The following OR1J2 variants were observed in gnomAD, a reference collection of about 807,000 sequenced individuals.
OR1J2 encodes olfactory receptor 1J2.
For synonymous variants in OR1J2, 142 were observed against 99.7 expected (o/e 1.42, Z -2.52); for missense variants, 304 against 246.1 (o/e 1.24, Z -1.57).
the OR1J2 span, among the ~76,000 whole-genome samples, chr9:122,542,474 A>G: frequency 6.6e-6 from 1 of 152,154 alleles, no homozygotes; most frequent in African/African-American, 2.4e-5. Flanking sequence ...GTTGCCCTGT[A>G]TTTTCAACAG....
At chr9:122,522,224 T>C in the OR1J2 span, among the ~76,000 whole-genome samples, 9 of 152,354 alleles carry the variant, frequency 5.9e-5, no homozygotes, top group Admixed American at 5.2e-4. Flanking sequence ...TGATTTTTTT[T>C]CACAAGTTAA....
chr9:122,532,500 A>G, the OR1J2 span, among the ~76,000 whole-genome samples: 1 of 151,014 alleles, frequency 6.6e-6, no homozygotes, highest in African/African-American at 2.5e-5. Flanking sequence ...ATGTGGTATC[A>G]GGAATAATGT....
chr9:122,552,073 T>A, the OR1J2 span, among the ~76,000 whole-genome samples: 13,563 of 140,406 alleles, frequency 0.097, 868 homozygotes, highest in African/African-American at 0.13. Flanking sequence ...TCTCTCTCTC[T>A]CTCTCTCACA....
chr9:122,451,825 A>G, the OR1J2 span, among the ~76,000 whole-genome samples: 1 of 152,210 alleles, frequency 6.6e-6, no homozygotes, highest in Admixed American at 6.5e-5. Flanking sequence ...ATTGCTCAGT[A>G]AAGTCCAGGT....
chr9:122,579,393 C>T, the OR1J2 span, among the ~76,000 whole-genome samples: 1 of 151,920 alleles, frequency 6.6e-6, no homozygotes, highest in South Asian at 2.1e-4. Flanking sequence ...ATACCTATCC[C>T]TTGTCTGGAG....
At chr9:122,476,836 G>C in the OR1J2 span, 1 of 593,482 alleles carries the variant, frequency 1.7e-6, no homozygotes, top group Non-Finnish European at 3.0e-6. Flanking sequence ...CTCCCGAGTA[G>C]CTGGGACTAT....
the OR1J2 span, among the ~76,000 whole-genome samples, chr9:122,496,733 C>T: frequency 6.6e-6 from 1 of 152,026 alleles, no homozygotes; most frequent in Admixed American, 6.6e-5. Flanking sequence ...GCTTCCAGGT[C>T]ATAGTAGATA....
At chr9:122,553,606 C>A in the OR1J2 span, 1 of 1,613,980 alleles carries the variant, frequency 6.2e-7, no homozygotes, top group Non-Finnish European at 8.5e-7. Context: ...ATCTGCCAAC[C>A]ACTCCATTAC....
At chr9:122,470,428 G>A in the OR1J2 span, among the ~76,000 whole-genome samples, 3 of 152,262 alleles carry the variant, frequency 2.0e-5, no homozygotes, top group Admixed American at 6.5e-5. Context: ...GATTTCAGAT[G>A]TATGGAAATG....
chr9:122,522,956 G>A, the OR1J2 span, among the ~76,000 whole-genome samples: 1 of 152,180 alleles, frequency 6.6e-6, no homozygotes, highest in African/African-American at 2.4e-5. Flanking sequence ...CCTGTATTAT[G>A]TCATTTAATC....
the OR1J2 span, among the ~76,000 whole-genome samples, chr9:122,489,291 A>G: frequency 2.6e-5 from 4 of 151,704 alleles, no homozygotes; most frequent in East Asian, 3.9e-4. Flanking sequence ...ATATATATAT[A>G]TATATTTACA....
At chr9:122,550,176 T>A in the OR1J2 span, among the ~76,000 whole-genome samples, 1 of 152,050 alleles carries the variant, frequency 6.6e-6, no homozygotes. Flanking sequence ...ATTCTTGAAA[T>A]ATAAAATCTC....
the OR1J2 span, among the ~76,000 whole-genome samples, chr9:122,459,612 G>A: frequency 1.3e-5 from 2 of 152,192 alleles, no homozygotes; most frequent in African/African-American, 4.8e-5. Context: ...TTCATGCACC[G>A]CTGGTTGTAA....
chr9:122,543,768 T>C, the OR1J2 span, among the ~76,000 whole-genome samples: 2 of 152,190 alleles, frequency 1.3e-5, no homozygotes, highest in East Asian at 1.9e-4. Flanking sequence ...ACCAGAGATC[T>C]GATTAAACAA....
At chr9:122,472,092 T>C in the OR1J2 span, among the ~76,000 whole-genome samples, 59 of 152,324 alleles carry the variant, frequency 3.9e-4, no homozygotes, top group African/African-American at 1.4e-3. Flanking sequence ...TGCATAACCC[T>C]GAACATTTTA....
At chr9:122,486,352 C>T in the OR1J2 span, among the ~76,000 whole-genome samples, 6 of 152,110 alleles carry the variant, frequency 3.9e-5, no homozygotes, top group Non-Finnish European at 7.4e-5. Context: ...ATATTGTGAG[C>T]CTGGGAATTG....
At chr9:122,510,102 C>T (rs1362439896), upstream of OR1J2, among the ~76,000 whole-genome samples, 1 of 152,070 alleles carries the variant, frequency 6.6e-6, no homozygotes, top group African/African-American at 2.4e-5. Context: ...ACACGTTTAC[C>T]TGTGTAACAA....
chr9:122,559,306 A>AT, the OR1J2 span, among the ~76,000 whole-genome samples: 410 of 150,818 alleles, frequency 2.7e-3, no homozygotes, highest in African/African-American at 8.0e-3. Flanking sequence ...ATTTATTTTT[A>AT]TTTTTTTTTA....
chr9:122,449,798 C>T, the OR1J2 span, among the ~76,000 whole-genome samples: 3 of 152,146 alleles, frequency 2.0e-5, no homozygotes, highest in East Asian at 1.9e-4. Context: ...ACTATATAGC[C>T]GGATCCTAGT....
Sources: allele counts gnomAD v4.1 joint callset (sites outside exome capture counted in the v4.1 genomes callset), GRCh38; gene constraint gnomAD v4.1.1; transcripts MANE v1.5; gene names NCBI Gene and HGNC (gene_info 2026-07-23, HGNC 2026-07-21).